Variants in HAAO observed in about 807,000 individuals in gnomAD.
HAAO encodes the protein 3-hydroxyanthranilate 3,4-dioxygenase.
A neutral mutation model predicts 46.2 loss-of-function variants in HAAO; 49 were observed. The ratio of observed to expected loss-of-function variants is 1.06; its 90% confidence interval spans 0.84 to 1.34. The LOEUF (loss-of-function observed/expected upper bound fraction) is 1.34, where lower values mean the gene tolerates loss of function less well. Ranked by LOEUF, HAAO falls within the 40% of genes most tolerant of loss-of-function variation. HAAO has a pLI of 0.00. For synonymous variants in HAAO, 157 were observed against 145.2 expected, an observed-to-expected ratio of 1.08 and a Z score of -0.58; for missense variants, 408 against 364.5, an observed-to-expected ratio of 1.12 and a Z score of -0.97.
chr2:42,782,084 GAATTC>G (rs1672042625), intron 4 of HAAO, among the ~76,000 whole-genome samples: 1 of 152,138 alleles, frequency 6.6e-6, no homozygotes, highest in African/African-American at 2.4e-5. Context: ...GATTTGGACT[GAATTC>G]TAATTTTTCT....
chr2:42,790,951 C>T (rs1464633293), intron 1 of HAAO, among the ~76,000 whole-genome samples: 1 of 152,172 alleles, frequency 6.6e-6, no homozygotes, highest in African/African-American at 2.4e-5. Context: ...TAAACCAGAC[C>T]TGCCCCTCCT....
At chr2:42,775,225 T>A (rs1671452544) in intron 4 of HAAO, among the ~76,000 whole-genome samples, 1 of 123,138 alleles carries the variant, frequency 8.1e-6, no homozygotes, top group South Asian at 2.4e-4. Context: ...TCAGCCTGGG[T>A]GACAGAGTAA....
intron 7 of HAAO, 62 bp from the exon 8 acceptor site, chr2:42,767,990 A>G: frequency 6.9e-7 from 1 of 1,457,854 alleles, no homozygotes; most frequent in Non-Finnish European, 9.6e-7. Flanking sequence ...ATGGTCTTGA[A>G]CCTGGCCCCC....
intron 4 of HAAO, among the ~76,000 whole-genome samples, chr2:42,780,993 T>C (rs1573935998): frequency 6.6e-6 from 1 of 151,360 alleles, no homozygotes; most frequent in Non-Finnish European, 1.5e-5. Context: ...AGGAGAATGG[T>C]GTGAACCTGG....
intron 2 of HAAO, 39 bp from the exon 3 acceptor site, chr2:42,783,906 C>G: frequency 1.3e-6 from 2 of 1,581,788 alleles, no homozygotes; most frequent in Non-Finnish European, 1.7e-6. Context: ...TCCGCACTTT[C>G]TCTTCCAGGT....
intron 4 of HAAO, among the ~76,000 whole-genome samples, chr2:42,777,324 G>A (rs6738483): frequency 0.75 from 85,650 of 114,900 alleles, 31,492 homozygotes; most frequent in African/African-American, 0.92. Context: ...AAAAAAAAAA[G>A]AAGAAAGAAA....
chr2:42,767,255 G>A lies in HAAO; in HGVS notation c.*182C>T, dbSNP rs2304660. The stretch of plus-strand genomic sequence containing the variant: ...CAGAGAAGATGGGGAGCTGCTGCCC[G>A]CCCAGGGGCATGGCATCTGGGCTGA... On this transcript the variant is annotated 3_prime_UTR_variant, in exon 10 of 10. Coordinates refer to ENST00000294973, the MANE Select transcript of HAAO (RefSeq NM_012205.3). 334 of 623,070 alleles carry A rather than the reference G, an allele frequency of 5.4e-4. 5 individuals carry two copies. Among genetic ancestry groups the A allele is most frequent in the South Asian group, 3.3e-3 (182 of 55,404 alleles). The allele number at this position is 623,070 out of a possible 1,614,324, so 38.6% of individuals were successfully genotyped here. A position where few individuals can be genotyped will look rare whatever the true frequency, so the allele number is the denominator to read the frequency against.
intron 2 of HAAO, among the ~76,000 whole-genome samples, chr2:42,785,668 C>G (rs541797903): frequency 1.3e-5 from 2 of 152,124 alleles, no homozygotes; most frequent in East Asian, 3.9e-4. Context: ...GGAGACCATT[C>G]TGGGCAACAT....
At chr2:42,780,783 C>A (rs891481349) in intron 4 of HAAO, among the ~76,000 whole-genome samples, 4 of 151,274 alleles carry the variant, frequency 2.6e-5, no homozygotes, top group African/African-American at 9.7e-5. Context: ...ATTTAATACT[C>A]CCGGCCGGGC....
intron 4 of HAAO, among the ~76,000 whole-genome samples, chr2:42,777,992 A>G (rs1418999176): frequency 6.9e-6 from 1 of 144,624 alleles, no homozygotes. Flanking sequence ...TTCATATGAG[A>G]AAGACTCTTG....
At chr2:42,775,714 T>G (rs1671514547) in intron 4 of HAAO, among the ~76,000 whole-genome samples, 1 of 152,116 alleles carries the variant, frequency 6.6e-6, no homozygotes, top group South Asian at 2.1e-4. Context: ...TAAAATAGTT[T>G]ATAGTAGCCT....
rs1670960095 is a variant in HAAO at position 42,769,709 on chromosome 2, T to C, written c.630+4A>G. 1.2e-6 allele frequency: 2 copies of C among 1,605,746 alleles called. No individual in the cohort carries two copies. Among genetic ancestry groups the C allele is most frequent in the East Asian group, 4.5e-5 (2 of 44,792 alleles). ...ATGCCCCGGATGCCCCAGGACTACA[T>C]TACCTGGGTCTCATAGGTGTCCCCA... On this transcript the variant is annotated splice_donor_region_variant and intron_variant, in intron 7 of 9. Transcript: ENST00000294973.
intron 5 of HAAO, 55 bp from the exon 6 acceptor site, chr2:42,770,241 C>G: frequency 2.8e-6 from 4 of 1,430,218 alleles, no homozygotes; most frequent in East Asian, 2.4e-5. Flanking sequence ...TCGGAGTGGC[C>G]AGCGACACAC....
At position 42,767,306 on chromosome 2, in the gene HAAO, A is replaced by G. The variant is rs1670733912; in HGVS notation, c.*131T>C. Reference sequence around the variant, plus strand: ...GAAGGGCAGGAGGGTGGGTGACAACAATGTGCAGGTCTGTGGGGGACACAG... The same window carrying G: ...GAAGGGCAGGAGGGTGGGTGACAACGATGTGCAGGTCTGTGGGGGACACAG... On this transcript the variant is annotated 3_prime_UTR_variant, in exon 10 of 10. Transcript: ENST00000294973. 1.4e-6 allele frequency: 1 copy of G among 700,976 alleles called. No homozygotes were observed. Among genetic ancestry groups the G allele is most frequent in the East Asian group, 2.7e-5 (1 of 37,036 alleles). 43.4% of individuals were successfully genotyped at this position (700,976 alleles called of 1,614,324 possible).
chr2:42,787,270 C>T (rs1240744655), intron 2 of HAAO, among the ~76,000 whole-genome samples: 1 of 152,090 alleles, frequency 6.6e-6, no homozygotes, highest in African/African-American at 2.4e-5. Context: ...GGAGCAGAGG[C>T]AGCAGGGGGC....
At chr2:42,787,661 C>T (rs1457383635) in intron 2 of HAAO, among the ~76,000 whole-genome samples, 1 of 152,084 alleles carries the variant, frequency 6.6e-6, no homozygotes, top group Non-Finnish European at 1.5e-5. Flanking sequence ...CCATGCTCAC[C>T]ACAGTCCCTG....
chr2:42,768,284 G>A (rs1455157353), intron 7 of HAAO, among the ~76,000 whole-genome samples: 1 of 152,162 alleles, frequency 6.6e-6, no homozygotes, highest in East Asian at 1.9e-4. Context: ...TCTGAGAGAG[G>A]TTATGAGTCT....
intron 1 of HAAO, among the ~76,000 whole-genome samples, chr2:42,790,213 A>T (rs1330709723): frequency 6.6e-6 from 1 of 152,104 alleles, no homozygotes; most frequent in Non-Finnish European, 1.5e-5. Context: ...CCCTTTTGGG[A>T]GGCTGGGCCC....
intron 2 of HAAO, among the ~76,000 whole-genome samples, chr2:42,785,331 C>G (rs777265981): frequency 2.6e-5 from 4 of 152,096 alleles, no homozygotes; most frequent in Non-Finnish European, 5.9e-5. Context: ...GAACATTATG[C>G]AGCCATTAAA....
Sources: gnomAD v4.1 joint callset for allele counts (sites outside exome capture counted in the v4.1 genomes callset) on GRCh38, gnomAD v4.1.1 for gene constraint, MANE v1.5 for transcripts, NCBI Gene and HGNC (gene_info 2026-07-23, HGNC 2026-07-21) for gene names.